The following CDH23 variants were observed in gnomAD, a reference collection of about 807,000 sequenced individuals.
CDH23 encodes cadherin-23.
CDH23 carries 189 observed loss-of-function variants against 317.1 expected under a neutral mutation model. The ratio of observed to expected loss-of-function variants is 0.60; its 90% CI spans 0.53 to 0.67. The LOEUF is 0.67. Among genes scored for constraint, CDH23 ranks in the 30% least tolerant of loss-of-function variants. CDH23 has a pLI of 0.00. For synonymous variants in CDH23, 1,839 were observed against 1,876.8 expected, an observed-to-expected ratio of 0.98 and a Z score of 0.52; for missense variants, 4,401 against 4,592.4, an observed-to-expected ratio of 0.96 and a Z score of 1.20.
At chr10:71,657,515 C>A (rs1247736285) in intron 14 of CDH23, among the ~76,000 whole-genome samples, 1 of 152,170 alleles carries the variant, frequency 6.6e-6, no homozygotes, top group Non-Finnish European at 1.5e-5. Flanking sequence ...AACTTGCCAA[C>A]GTGAATTATT....
intron 6 of CDH23, among the ~76,000 whole-genome samples, chr10:71,537,674 A>G (rs1264130413): frequency 6.6e-6 from 1 of 152,202 alleles, no homozygotes; most frequent in African/African-American, 2.4e-5. Flanking sequence ...TCCATCCCAA[A>G]AAAACCCCAG....
intron 29 of CDH23, among the ~76,000 whole-genome samples, chr10:71,725,063 G>A (rs1490179289): frequency 2.0e-5 from 3 of 152,206 alleles, no homozygotes; most frequent in African/African-American, 4.8e-5. Context: ...GTGGGTGTAG[G>A]AGCAGGGCGA....
rs553749394 is a variant in CDH23 at position 71,432,157 on chromosome 10, T to G, written c.-5-7670T>G. ...GTTGTGCAGTGGGGTGGGGGCATTT[T>G]GTGGATGCATCTCCTGGAGGGGGTG... On this transcript the variant is annotated intron_variant, in intron 1 of 69. Coordinates refer to ENST00000224721, the MANE Select transcript of CDH23 (RefSeq NM_022124.6). Among the ~76,000 whole-genome samples the G allele has an allele frequency of 3.8e-4, 58 of 152,096 alleles. 2 individuals carry two copies. The South Asian group carries it at 0.012, about 31-fold the overall frequency.
intron 11 of CDH23, among the ~76,000 whole-genome samples, chr10:71,636,294 A>G (rs1359380054): frequency 6.6e-6 from 1 of 152,086 alleles, no homozygotes; most frequent in Non-Finnish European, 1.5e-5. Flanking sequence ...CCGAGGCGGG[A>G]GGATGGCTTG....
At chr10:71,497,504 GAA>G (rs11302381) in intron 3 of CDH23, among the ~76,000 whole-genome samples, 32 of 151,186 alleles carry the variant, frequency 2.1e-4, no homozygotes, top group Admixed American at 9.2e-4. Flanking sequence ...TTTCAGGGCA[GAA>G]AAAAAAAATA....
intron 20 of CDH23, among the ~76,000 whole-genome samples, chr10:71,693,511 C>T (rs1016790819): frequency 1.3e-5 from 2 of 152,116 alleles, no homozygotes; most frequent in East Asian, 3.8e-4. Flanking sequence ...TATCAATGCA[C>T]GATAAGGTTG....
At chr10:71,478,898 A>T (rs1480083882) in intron 3 of CDH23, among the ~76,000 whole-genome samples, 1 of 152,214 alleles carries the variant, frequency 6.6e-6, no homozygotes, top group Non-Finnish European at 1.5e-5. Flanking sequence ...TCTTTTTTAT[A>T]AGAATGGAAA....
chr10:71,575,344 C>A (rs989211602), intron 8 of CDH23, among the ~76,000 whole-genome samples: 1 of 152,154 alleles, frequency 6.6e-6, no homozygotes, highest in African/African-American at 2.4e-5. Flanking sequence ...GTGCCAGGTG[C>A]TCTTCTGAGT....
rs1842101412 is a variant in CDH23, at chr10:71,815,367, G to A, written c.*89G>A. 3.1e-6 allele frequency: 4 copies of A among 1,277,668 alleles called. No individual in the cohort carries two copies. Among genetic ancestry groups the A allele is most frequent in the South Asian group, 1.6e-5 (1 of 62,638 alleles). The allele number at this position is 1,277,668 out of a possible 1,614,324, so 79.1% of individuals were successfully genotyped here. A position where few individuals can be genotyped will look rare whatever the true frequency, so the allele number is the denominator to read the frequency against. On this transcript the variant is annotated 3_prime_UTR_variant, in exon 70 of 70. Transcript: ENST00000224721. ...GGCAGGGACAGGGCCGGTCGGGGGG[G>A]ACCCTCCAAGGCCAGGCCTTGGGGA... is the stretch of plus-strand genomic sequence containing the variant.
chr10:71,543,056 G>C (rs1272602888), intron 6 of CDH23, among the ~76,000 whole-genome samples: 1 of 152,228 alleles, frequency 6.6e-6, no homozygotes, highest in Non-Finnish European at 1.5e-5. Context: ...TGTAATGCAA[G>C]GCTAGCAAGT....
intron 38 of CDH23, among the ~76,000 whole-genome samples, chr10:71,758,264 C>T (rs74363594): frequency 0.026 from 3,950 of 152,208 alleles, 160 homozygotes; most frequent in African/African-American, 0.09. Context: ...TTGTTGGGTC[C>T]GTGGTTTAGC....
chr10:71,616,391 G>C (rs1046269649), intron 10 of CDH23, among the ~76,000 whole-genome samples: 1 of 152,186 alleles, frequency 6.6e-6, no homozygotes. Flanking sequence ...TGCTGTTCAG[G>C]TGTGGGTTAG....
intron 3 of CDH23, among the ~76,000 whole-genome samples, chr10:71,458,479 A>G (rs1451159971): frequency 1.3e-5 from 2 of 152,244 alleles, no homozygotes; most frequent in African/African-American, 2.4e-5. Context: ...TGAGATGATC[A>G]TACTTGCCTG....
intron 48 of CDH23, among the ~76,000 whole-genome samples, chr10:71,794,282 G>A (rs367789001): frequency 3.9e-5 from 6 of 152,328 alleles, no homozygotes; most frequent in South Asian, 4.1e-4. Context: ...GATTACAGGC[G>A]TGAGTCACTG....
In CDH23 at chr10:71,738,631, C is replaced by T. The variant is rs1564768161; in HGVS notation, c.4343C>T (p.Ala1448Val). The T allele has an allele frequency of 2.5e-6, 4 of 1,613,242 alleles. No homozygotes were observed. Among genetic ancestry groups the T allele is most frequent in the Non-Finnish European group, 3.4e-6 (4 of 1,179,730 alleles). The stretch of plus-strand genomic sequence containing the variant: ...ACTGTCAAGGCCTGGGACCCTGATG[C>T]TGGCAGCAATGGGCAGGTGGGCCAC... ...VATVKAWDPD[A>V]GSNGQVVFSL... The change falls in exon 35 of 70, where the codon GCT (alanine) becomes GTT (valine). Residue 1448 changes from alanine (A) to valine (V), a missense_variant. Physicochemically the swap from Ala to Val is moderately conservative, Grantham distance 64. Transcript: ENST00000224721.
intron 29 of CDH23, among the ~76,000 whole-genome samples, chr10:71,724,801 C>A (rs907614356): frequency 6.6e-6 from 1 of 152,188 alleles, no homozygotes; most frequent in Non-Finnish European, 1.5e-5. Flanking sequence ...ATGTGCTGAT[C>A]CTCCCACTTC....
At chr10:71,812,433 ACTCGAGCCTT>A in intron 66 of CDH23, 37 bp from the exon 67 acceptor site, 3 of 1,610,640 alleles carry the variant, frequency 1.9e-6, no homozygotes, top group Non-Finnish European at 2.5e-6. Flanking sequence ...GCACCTGTCT[ACTCGAGCCTT>A]CCCTCCCTCC....
intron 34 of CDH23, among the ~76,000 whole-genome samples, chr10:71,736,552 C>T (rs781638022): frequency 6.6e-6 from 1 of 152,148 alleles, no homozygotes; most frequent in African/African-American, 2.4e-5. Flanking sequence ...TTGTGAGGCC[C>T]TGGGTGAAGA....
intron 3 of CDH23, among the ~76,000 whole-genome samples, chr10:71,458,845 T>C (rs1201600014): frequency 4.6e-5 from 7 of 152,238 alleles, no homozygotes; most frequent in Non-Finnish European, 1.0e-4. Context: ...TGGAGTGCAG[T>C]GGCGCGATCT....
Sources: allele counts gnomAD v4.1 joint callset (sites outside exome capture counted in the v4.1 genomes callset), GRCh38; gene constraint gnomAD v4.1.1; transcripts MANE v1.5; gene names NCBI Gene and HGNC (gene_info 2026-07-23, HGNC 2026-07-21).